Variants in FUBP1 observed in about 807,000 individuals in gnomAD.
FUBP1 encodes far upstream element binding protein 1, also known as far upstream element-binding protein 1.
FUBP1 carries 16 observed loss-of-function variants against 94.9 expected under a neutral mutation model. That is an observed-to-expected ratio of 0.17 (90% CI 0.11 to 0.26). FUBP1 has a LOEUF of 0.26. FUBP1 is among the 10% of genes least tolerant of loss of function. The pLI is 1.00. For synonymous variants in FUBP1, 279 were observed against 254.9 expected, an observed-to-expected ratio of 1.09 and a Z score of -0.90; for missense variants, 583 against 808.6, an observed-to-expected ratio of 0.72 and a Z score of 3.38.
rs1652433336 is a variant in FUBP1, at chr1:77,947,648, A to T, written c.*1118T>A. 1.3e-6 allele frequency: 1 copy of T among 774,938 alleles called. No individual in the cohort carries two copies. The allele number at this position is 774,938 out of a possible 1,614,324, so 48.0% of individuals were successfully genotyped here. ...AAATATGCAAAGAGTAAAACAATGG[A>T]TTTCAACAAAATATCAGAACTTCAG... On this transcript the variant is annotated 3_prime_UTR_variant, in exon 20 of 20. Transcript: ENST00000370768.
intron 1 of FUBP1, among the ~76,000 whole-genome samples, chr1:77,971,995 ACT>A (rs1462015236): frequency 7.7e-6 from 1 of 129,136 alleles, no homozygotes; most frequent in Admixed American, 8.6e-5. Context: ...ACGGCATGAG[ACT>A]CTGTCTCAAA....
chr1:77,966,052 A>G (rs1363519214), intron 7 of FUBP1, among the ~76,000 whole-genome samples: 1 of 152,198 alleles, frequency 6.6e-6, no homozygotes, highest in Non-Finnish European at 1.5e-5. Context: ...AATGAGGGAG[A>G]ACTAACAATG....
rs559642742 is a variant in FUBP1 at position 77,944,168 on chromosome 1, A to T, written c.*4598T>A. On this transcript the variant is annotated 3_prime_UTR_variant, in exon 20 of 20. Coordinates refer to ENST00000370768, the MANE Select transcript of FUBP1 (RefSeq NM_003902.5). ...AAGCAAACTCTAAACCACAGTTGTA[A>T]AGTATTCAATTTACCTCAAGTCCAA... is the stretch of plus-strand genomic sequence containing the variant. The T allele has an allele frequency of 5.0e-6, 1 of 198,190 alleles. No homozygotes were observed. The highest frequency in any genetic ancestry group is 7.8e-5 in the East Asian group (1 of 12,876). The allele number at this position is 198,190 out of a possible 1,614,324, so 12.3% of individuals were successfully genotyped here.
In FUBP1 at chr1:77,947,926, G is replaced by A; in HGVS notation, c.*840C>T. 2.1e-5 allele frequency: 21 copies of A among 980,474 alleles called. No individual in the cohort carries two copies. Among genetic ancestry groups the A allele is most frequent in the Non-Finnish European group, 2.6e-5 (21 of 799,408 alleles). The allele number at this position is 980,474 out of a possible 1,614,324, so 60.7% of individuals were successfully genotyped here. ...TAACATTATATACATTGAAAGAGTT[G>A]CTTCACATGGAAAAAAACTGTTCTT... On this transcript the variant is annotated 3_prime_UTR_variant, in exon 20 of 20. Coordinates refer to ENST00000370768, the MANE Select transcript of FUBP1 (RefSeq NM_003902.5).
chr1:77,979,014 A>C lies in FUBP1; in HGVS notation c.-10T>G. ...TTGAATAGTCTGCCATGGTTGCACT[A>C]TAAGAGCCGCTGCCGCCTGTTCAGA... On this transcript the variant is annotated 5_prime_UTR_variant, in exon 1 of 20. Transcript: ENST00000370768. 6.2e-7 allele frequency: 1 copy of C among 1,603,846 alleles called. No homozygotes were observed. The highest frequency in any genetic ancestry group is 8.5e-7 in the Non-Finnish European group (1 of 1,172,622).
intron 17 of FUBP1, among the ~76,000 whole-genome samples, chr1:77,955,844 C>T (rs1179976534): frequency 1.3e-5 from 2 of 152,094 alleles, no homozygotes; most frequent in East Asian, 1.9e-4. Flanking sequence ...ACTCAAGTCT[C>T]GTTTCTAACT....
At chr1:77,967,701 T>C in intron 3 of FUBP1, 35 bp from the exon 4 acceptor site, 1 of 1,301,190 alleles carries the variant, frequency 7.7e-7, no homozygotes, top group Middle Eastern at 2.3e-4. Flanking sequence ...AAACAAAAAT[T>C]CAAAATTTAA....
chr1:77,949,665 G>T (rs955359690), intron 18 of FUBP1, among the ~76,000 whole-genome samples: 12 of 151,968 alleles, frequency 7.9e-5, no homozygotes, highest in African/African-American at 2.9e-4. Flanking sequence ...TAAAAAAACA[G>T]AATCAACCCC....
rs948916809 is a variant in FUBP1 at position 77,945,975 on chromosome 1, C to T, written c.*2791G>A. ...ACATGCCTTTTATCAAAACATACTG[C>T]CTTATAACTTTTTCCTTCTTCAGCA... On this transcript the variant is annotated 3_prime_UTR_variant, in exon 20 of 20. Transcript: ENST00000370768. 1.6e-4 allele frequency: 33 copies of T among 203,928 alleles called. No homozygotes were observed. 12.6% of individuals were successfully genotyped at this position (203,928 alleles called of 1,614,324 possible). A position where few individuals can be genotyped will look rare whatever the true frequency, so the allele number is the denominator to read the frequency against.
At chr1:77,970,092 G>C (rs1657234424) in intron 1 of FUBP1, 77 bp from the exon 2 acceptor site, 2 of 629,360 alleles carry the variant, frequency 3.2e-6, no homozygotes, top group Non-Finnish European at 5.3e-6. Flanking sequence ...TTTACTTCCT[G>C]ATACATGTAT....
intron 17 of FUBP1, among the ~76,000 whole-genome samples, chr1:77,955,823 GCAA>G (rs1289367969): frequency 6.6e-6 from 1 of 152,200 alleles, no homozygotes; most frequent in East Asian, 1.9e-4. Flanking sequence ...CACCTCAGTA[GCAA>G]CAAGCATACT....
chr1:77,953,849 G>GT (rs1257014190), intron 18 of FUBP1, among the ~76,000 whole-genome samples: 28 of 152,042 alleles, frequency 1.8e-4, no homozygotes, highest in African/African-American at 6.8e-4. Flanking sequence ...AATCAATATG[G>GT]TAAAATAAAG....
At chr1:77,954,028 G>T (rs1336666002) in intron 18 of FUBP1, among the ~76,000 whole-genome samples, 4 of 152,168 alleles carry the variant, frequency 2.6e-5, no homozygotes, top group Non-Finnish European at 5.9e-5. Flanking sequence ...GTCTCACTAT[G>T]ATGCCAAGGC....
chr1:77,969,031 G>A, intron 2 of FUBP1: 1 of 1,266,166 alleles, frequency 7.9e-7, no homozygotes, highest in Non-Finnish European at 1.1e-6. Flanking sequence ...CCTTTAAAAG[G>A]AGAGGGCATT....
intron 1 of FUBP1, among the ~76,000 whole-genome samples, chr1:77,977,475 G>A (rs1658874022): frequency 1.3e-5 from 2 of 152,206 alleles, no homozygotes; most frequent in South Asian, 2.1e-4. Flanking sequence ...GCAGTGGGAC[G>A]AGATCGCACC....
chr1:77,947,146 C>T lies in FUBP1; in HGVS notation c.*1620G>A, dbSNP rs1424696267. Reference sequence around the variant, plus strand: ...TTTCATATTAAATATAGAAGATATGCATATTTTACACTGAAAAACAATATT... The same window carrying T: ...TTTCATATTAAATATAGAAGATATGTATATTTTACACTGAAAAACAATATT... On this transcript the variant is annotated 3_prime_UTR_variant, in exon 20 of 20. Coordinates refer to ENST00000370768, the MANE Select transcript of FUBP1 (RefSeq NM_003902.5). 4.8e-6 allele frequency: 1 copy of T among 207,682 alleles called. No individual in the cohort carries two copies. The highest frequency in any genetic ancestry group is 5.7e-5 in the Admixed American group (1 of 17,410). The allele number at this position is 207,682 out of a possible 1,614,324, so 12.9% of individuals were successfully genotyped here.
intron 14 of FUBP1, among the ~76,000 whole-genome samples, chr1:77,961,746 C>T (rs1183290193): frequency 3.3e-5 from 5 of 152,166 alleles, no homozygotes; most frequent in South Asian, 2.1e-4. Context: ...GAAATCCTGA[C>T]GCATGCATGT....
chr1:77,966,999 A>T, intron 5 of FUBP1, 44 bp from the exon 6 acceptor site: 1 of 1,545,406 alleles, frequency 6.5e-7, no homozygotes, highest in South Asian at 1.1e-5. Context: ...GAAAGATTCT[A>T]AAGTATGTTT....
rs1044940034 is a variant in FUBP1 at position 77,947,737 on chromosome 1, T to C, written c.*1029A>G. 8 of 571,810 alleles carry C rather than the reference T, an allele frequency of 1.4e-5. No homozygotes were observed. The highest frequency in any genetic ancestry group is 2.0e-5 in the Non-Finnish European group (7 of 352,732). 35.4% of individuals were successfully genotyped at this position (571,810 alleles called of 1,614,324 possible). Reference sequence around the variant, plus strand: ...TAAAAAAATTAAGTTGATTCAATGATTGGACTTGTGCATTTACAAAACAAA... The same window carrying C: ...TAAAAAAATTAAGTTGATTCAATGACTGGACTTGTGCATTTACAAAACAAA... On this transcript the variant is annotated 3_prime_UTR_variant, in exon 20 of 20. Transcript: ENST00000370768.
Sources: allele counts gnomAD v4.1 joint callset (sites outside exome capture counted in the v4.1 genomes callset), GRCh38; gene constraint gnomAD v4.1.1; transcripts MANE v1.5; gene names NCBI Gene and HGNC (gene_info 2026-07-23, HGNC 2026-07-21).